The following ATG13 variants were observed in gnomAD, a reference collection of about 807,000 sequenced individuals.
ATG13 encodes the protein autophagy related 13.
Under a neutral mutation model 65.5 loss-of-function variants are expected in ATG13, and 23 were observed. The ratio of observed to expected loss-of-function variants is 0.35; its 90% confidence interval spans 0.25 to 0.50. The LOEUF (loss-of-function observed/expected upper bound fraction) is 0.50, where lower values mean the gene tolerates loss of function less well. ATG13 is among the 20% of genes least tolerant of loss of function. ATG13 has a pLI of 0.98. For missense variants in ATG13, 566 were observed against 677.0 expected (o/e 0.84, Z 1.82); for synonymous variants, 252 against 245.2 (o/e 1.03, Z -0.26).
intron 2 of ATG13, among the ~76,000 whole-genome samples, chr11:46,639,607 T>C (rs1381202388): frequency 2.0e-5 from 3 of 152,000 alleles, no homozygotes; most frequent in African/African-American, 4.8e-5. Flanking sequence ...AATTGTAGGG[T>C]TGCCAAAACA....
intron 18 of ATG13, among the ~76,000 whole-genome samples, chr11:46,671,650 G>A (rs2063753077): frequency 6.6e-6 from 1 of 152,226 alleles, no homozygotes; most frequent in Non-Finnish European, 1.5e-5. Context: ...GGCTGAGGCA[G>A]AGAATTGCTT....
intron 14 of ATG13, among the ~76,000 whole-genome samples, chr11:46,667,089 CTG>C (rs1187034887): frequency 3.3e-5 from 5 of 152,182 alleles, no homozygotes; most frequent in Non-Finnish European, 7.3e-5. Context: ...ACAGAGGCCC[CTG>C]TGTGGAAATT....
intron 1 of ATG13, among the ~76,000 whole-genome samples, chr11:46,619,457 C>G (rs1436794177): frequency 6.9e-6 from 1 of 144,230 alleles, no homozygotes; most frequent in African/African-American, 2.6e-5. Context: ...GGAACTCGGC[C>G]CACTGCAACC....
intron 14 of ATG13, among the ~76,000 whole-genome samples, chr11:46,667,397 G>T (rs191855703): frequency 6.6e-6 from 1 of 152,324 alleles, no homozygotes; most frequent in East Asian, 1.9e-4. Context: ...GTCATTCAAA[G>T]ACCTTTAGTT....
chr11:46,649,988 G>A (rs1461454629), intron 6 of ATG13, among the ~76,000 whole-genome samples, 189 bp from the exon 7 acceptor site: 2 of 152,168 alleles, frequency 1.3e-5, no homozygotes, highest in East Asian at 3.8e-4. Flanking sequence ...TATATTGGGT[G>A]CCTTTTGGTG....
chr11:46,657,045 A>G (rs1015271165), intron 8 of ATG13, 50 bp from the exon 9 acceptor site: 2 of 1,438,694 alleles, frequency 1.4e-6, no homozygotes, highest in African/African-American at 2.8e-5. Flanking sequence ...GTCTGGGGGC[A>G]GTGTCAGTAT....
At chr11:46,629,354 A>G (rs1225461360) in intron 1 of ATG13, among the ~76,000 whole-genome samples, 1 of 152,050 alleles carries the variant, frequency 6.6e-6, no homozygotes, top group Admixed American at 6.6e-5. Flanking sequence ...ACTTTGTATT[A>G]TGTGAGATTC....
At chr11:46,618,998 G>A (rs1252748432) in intron 1 of ATG13, among the ~76,000 whole-genome samples, 1 of 152,022 alleles carries the variant, frequency 6.6e-6, no homozygotes, top group African/African-American at 2.4e-5. Context: ...GCTTAATCTC[G>A]AAGGAAGTTT....
intron 1 of ATG13, among the ~76,000 whole-genome samples, chr11:46,619,789 G>T (rs982253608): frequency 6.6e-6 from 1 of 151,826 alleles, no homozygotes; most frequent in East Asian, 2.0e-4. Flanking sequence ...CAGCACTTTG[G>T]GGGGCCGAGG....
intron 2 of ATG13, among the ~76,000 whole-genome samples, chr11:46,641,003 C>G (rs542594094): frequency 6.6e-6 from 1 of 152,290 alleles, no homozygotes; most frequent in East Asian, 1.9e-4. Flanking sequence ...ATGTTTACAT[C>G]CACCAAAAGA....
In ATG13 at chr11:46,673,542, G is replaced by T. The variant is rs944120790; in HGVS notation, c.*1210G>T. ...CCCAACTGCCTGGGTACTTGTTCCTGATCCCTGGGGCTGTCCTGTGGAGCT... is the reference window on the plus strand; with the variant it reads ...CCCAACTGCCTGGGTACTTGTTCCTTATCCCTGGGGCTGTCCTGTGGAGCT... On this transcript the variant is annotated 3_prime_UTR_variant, in exon 19 of 19. Coordinates refer to ENST00000683050, the MANE Select transcript of ATG13 (RefSeq NM_001346311.2). The T allele has an allele frequency of 6.6e-6, 1 of 152,418 alleles. No homozygotes were observed. The highest frequency in any genetic ancestry group is 6.5e-5 in the Admixed American group (1 of 15,272). 9.4% of individuals were successfully genotyped at this position (152,418 alleles called of 1,614,324 possible).
chr11:46,659,043 C>T (rs1043875827), intron 10 of ATG13, among the ~76,000 whole-genome samples: 5 of 152,080 alleles, frequency 3.3e-5, no homozygotes, highest in Non-Finnish European at 5.9e-5. Flanking sequence ...ATTAAGTTAG[C>T]TGAGCATGGT....
chr11:46,655,091 A>G (rs1490664367), intron 7 of ATG13, among the ~76,000 whole-genome samples: 2 of 149,864 alleles, frequency 1.3e-5, no homozygotes. Context: ...AGAGCGAGAC[A>G]CTGTCTCAAA....
intron 11 of ATG13, chr11:46,660,148 A>C (rs1042400174): frequency 6.6e-6 from 1 of 152,266 alleles, no homozygotes; most frequent in Admixed American, 6.5e-5. Flanking sequence ...TTGCTGGGGC[A>C]CATTTCTTGC....
At chr11:46,655,139 C>A (rs888094766) in intron 7 of ATG13, among the ~76,000 whole-genome samples, 1 of 151,896 alleles carries the variant, frequency 6.6e-6, no homozygotes, top group Non-Finnish European at 1.5e-5. Context: ...GTGGCTCACG[C>A]CTGTAATCCC....
intron 18 of ATG13, among the ~76,000 whole-genome samples, chr11:46,670,833 TA>T (rs1036722939): frequency 6.6e-6 from 1 of 152,038 alleles, no homozygotes; most frequent in East Asian, 1.9e-4. Context: ...AATAAATAAA[TA>T]AAAATCAAGG....
intron 15 of ATG13, 106 bp from the exon 16 acceptor site, chr11:46,668,393 A>G (rs2062879730): frequency 8.8e-7 from 1 of 1,132,458 alleles, no homozygotes; most frequent in Non-Finnish European, 1.3e-6. Flanking sequence ...CATGGTCAGC[A>G]TAGCTGTGTG....
At chr11:46,664,775 T>C (rs751504122) in intron 12 of ATG13, 74 bp from the exon 13 acceptor site, 1 of 1,371,764 alleles carries the variant, frequency 7.3e-7, no homozygotes, top group Non-Finnish European at 1.0e-6. Flanking sequence ...TGAGCCATCT[T>C]GTTTGTCACG....
intron 18 of ATG13, 102 bp from the exon 19 acceptor site, chr11:46,672,153 T>G: frequency 8.4e-5 from 132 of 1,569,558 alleles, no homozygotes; most frequent in Non-Finnish European, 1.1e-4. Flanking sequence ...CAGCTAGGGC[T>G]GAGCTTCGTC....
Sources: gnomAD v4.1 joint callset for allele counts (sites outside exome capture counted in the v4.1 genomes callset) on GRCh38, gnomAD v4.1.1 for gene constraint, MANE v1.5 for transcripts, NCBI Gene and HGNC (gene_info 2026-07-23, HGNC 2026-07-21) for gene names.